SYNE2: variants seen among roughly 807,000 people sequenced by gnomAD.
The protein encoded by SYNE2 is spectrin repeat containing nuclear envelope protein 2.
SYNE2 carries 431 observed loss-of-function variants against 856.3 expected under a neutral mutation model. That is an observed-to-expected ratio of 0.50 (90% CI 0.47 to 0.55). The LOEUF (loss-of-function observed/expected upper bound fraction) is 0.55. SYNE2 is among the 20% of genes least tolerant of loss of function. The pLI, the probability that SYNE2 is intolerant of heterozygous loss-of-function variation, is 0.00. For missense variants in SYNE2, 8,129 were observed against 8,023.2 expected, an observed-to-expected ratio of 1.01 and a Z score of -0.50; for synonymous variants, 2,923 against 2,872.3, an observed-to-expected ratio of 1.02 and a Z score of -0.56.
intron 45 of SYNE2, among the ~76,000 whole-genome samples, chr14:64,038,173 G>T (rs1460573456): frequency 1.6e-4 from 24 of 151,358 alleles, no homozygotes; most frequent in Non-Finnish European, 4.4e-5. Context: ...GGGGCGGCGG[G>T]GCAGAGACGC....
At chr14:64,015,182 T>G (rs2096883192) in intron 32 of SYNE2, among the ~76,000 whole-genome samples, 1 of 151,140 alleles carries the variant, frequency 6.6e-6, no homozygotes, top group Admixed American at 6.6e-5. Flanking sequence ...TAGTTTCTTT[T>G]TTGGTACTGT....
chr14:63,891,824 GC>G (rs1372420869), intron 1 of SYNE2, among the ~76,000 whole-genome samples: 1 of 152,110 alleles, frequency 6.6e-6, no homozygotes, highest in African/African-American at 2.4e-5. Context: ...AGCAGCTGGT[GC>G]CTCTGTTGAT....
intron 19 of SYNE2, among the ~76,000 whole-genome samples, chr14:63,986,953 G>A (rs180793265): frequency 8.5e-5 from 13 of 152,198 alleles, no homozygotes; most frequent in Non-Finnish European, 1.5e-4. Context: ...CAGAGTACAC[G>A]TAAGAGATAA....
intron 7 of SYNE2, among the ~76,000 whole-genome samples, chr14:63,953,684 ACT>A (rs1369252846): frequency 3.9e-5 from 6 of 152,052 alleles, no homozygotes; most frequent in Non-Finnish European, 8.8e-5. Context: ...AACCATCACC[ACT>A]CTCTGTCACC....
chr14:63,866,324 A>C (rs1456348226), intron 1 of SYNE2, among the ~76,000 whole-genome samples: 1 of 152,238 alleles, frequency 6.6e-6, no homozygotes, highest in East Asian at 1.9e-4. Flanking sequence ...TTTACTTAAA[A>C]AGCTGGCCAA....
chr14:63,986,712 AC>A, intron 19 of SYNE2, 95 bp downstream of exon 19: 1 of 1,319,044 alleles, frequency 7.6e-7, no homozygotes, highest in East Asian at 2.3e-5. Flanking sequence ...TAATAAGCCT[AC>A]AGTTTTAATT....
At chr14:63,898,536 C>T (rs916487451) in intron 1 of SYNE2, among the ~76,000 whole-genome samples, 3 of 152,128 alleles carry the variant, frequency 2.0e-5, no homozygotes, top group Non-Finnish European at 4.4e-5. Flanking sequence ...ACCCGAGTAG[C>T]TGGGACTACA....
intron 1 of SYNE2, among the ~76,000 whole-genome samples, chr14:63,871,633 A>G (rs1403954550): frequency 1.3e-5 from 2 of 150,254 alleles, no homozygotes; most frequent in African/African-American, 2.5e-5. Flanking sequence ...TTTCAGAGAC[A>G]GGGTCTCACT....
chr14:63,822,759 G>A lies in SYNE2; in HGVS notation c.-304-29742G>A, dbSNP rs372552543. 4.6e-5 allele frequency among the ~76,000 whole-genome samples: 7 copies of A among 152,118 alleles called. No homozygotes were observed. The East Asian group carries it at 7.7e-4, about 17-fold the overall frequency. ...GAGCTTTGAAAACATTCCAACACAC[G>A]CACAGAGCAGTGCTTAATTTGAAAT... is the stretch of plus-strand genomic sequence containing the variant. On this transcript the variant is annotated intron_variant, in intron 1 of 23. Transcript: ENST00000674003.
intron 70 of SYNE2, among the ~76,000 whole-genome samples, chr14:64,123,080 C>T (rs1305380106): frequency 6.7e-6 from 1 of 149,046 alleles, no homozygotes; most frequent in Middle Eastern, 3.4e-3. Context: ...GCCAGGGCAA[C>T]GAGAGTGAAA....
intron 23 of SYNE2, among the ~76,000 whole-genome samples, chr14:63,995,730 C>CATCTGTCTATCT (rs1555419686): frequency 4.1e-4 from 47 of 113,528 alleles, no homozygotes; most frequent in Middle Eastern, 4.5e-3. Flanking sequence ...TATATCTATC[C>CATCTGTCTATCT]ATCTATCTAT....
chr14:63,878,254 G>A (rs893971620), intron 1 of SYNE2, among the ~76,000 whole-genome samples: 9 of 152,126 alleles, frequency 5.9e-5, no homozygotes, highest in African/African-American at 9.7e-5. Flanking sequence ...CAACGTGATC[G>A]TGATCTCCAC....
chr14:64,136,844 T>A (rs1247406211), intron 78 of SYNE2, among the ~76,000 whole-genome samples: 2 of 152,138 alleles, frequency 1.3e-5, no homozygotes, highest in Non-Finnish European at 2.9e-5. Flanking sequence ...CCATCTGAAG[T>A]GCTTTCGGGG....
At chr14:64,105,607 A>G (rs1282750186) in intron 64 of SYNE2, among the ~76,000 whole-genome samples, 2 of 152,222 alleles carry the variant, frequency 1.3e-5, no homozygotes, top group Admixed American at 6.5e-5. Flanking sequence ...AGGTTGGTTG[A>G]TTATAATATC....
At chr14:64,143,482 A>G (rs2098156717) in intron 82 of SYNE2, among the ~76,000 whole-genome samples, 1 of 152,220 alleles carries the variant, frequency 6.6e-6, no homozygotes, top group African/African-American at 2.4e-5. Flanking sequence ...AAGCTTTGTC[A>G]TATCCTGGGT....
chr14:64,094,342 TA>T (rs930150006), intron 61 of SYNE2, among the ~76,000 whole-genome samples: 10 of 150,582 alleles, frequency 6.6e-5, no homozygotes, highest in Admixed American at 6.0e-4. Flanking sequence ...TCAAAAAAAT[TA>T]AAAAAAATAA....
Position 64,065,495 on chromosome 14 carries a change from C to G in SYNE2, c.10276C>G (p.Leu3426Val). ...AATGAAACTACGACAGATCCTTAGACTCTTGAGACTCAGGTGCACAGAAAA... is the reference window on the plus strand; with the variant it reads ...AATGAAACTACGACAGATCCTTAGAGTCTTGAGACTCAGGTGCACAGAAAA... ...ELMKLRQILR[L>V]LRLRCTENDG... Residue 3426 changes from leucine to valine, a missense_variant, in exon 51 of 116, where the codon CTC (leucine) becomes GTC (valine). Around this residue, in one of 3 missense-constraint regions of SYNE2, gnomAD observed 5,410 missense variants for 5,284.8 expected, o/e 1.02. Coordinates refer to ENST00000555002, the MANE Select transcript of SYNE2 (RefSeq NM_182914.3). The G allele has an allele frequency of 1.9e-6, 3 of 1,614,070 alleles. No homozygotes were observed. Among genetic ancestry groups the G allele is most frequent in the Non-Finnish European group, 2.5e-6 (3 of 1,180,014 alleles).
At chr14:64,196,548 G>A (rs757906181) in intron 99 of SYNE2, among the ~76,000 whole-genome samples, 4 of 152,142 alleles carry the variant, frequency 2.6e-5, no homozygotes, top group East Asian at 1.9e-4. Context: ...AACCCCCACA[G>A]GGATATTTCT....
rs1331749675 is a variant in SYNE2, at chr14:64,170,382, A to T, written c.17155A>T (p.Thr5719Ser). The change falls in exon 94 of 116, where the codon ACC becomes TCC. Residue 5719 changes from threonine to serine, a missense_variant. Physicochemically the swap from Thr to Ser is moderately conservative, Grantham distance 58 (BLOSUM62 1). Coordinates refer to ENST00000555002, the MANE Select transcript of SYNE2 (RefSeq NM_182914.3). ...VENLFRFLTD[T>S]SHLLSAVKGQ... ...GAACTTGTTTCGCTTCCTCACTGAC[A>T]CCAGCCACCTGCTATCTGCAGTGAA... 6.2e-7 allele frequency: 1 copy of T among 1,614,062 alleles called. No homozygotes were observed. Among genetic ancestry groups the T allele is most frequent in the African/African-American group, 1.3e-5 (1 of 74,896 alleles).
Sources: gnomAD v4.1 joint callset for allele counts (sites outside exome capture counted in the v4.1 genomes callset) on GRCh38, gnomAD v4.1.1 for gene constraint, gnomAD v4.1.1 regional missense constraint, MANE v1.5 for transcripts, NCBI Gene and HGNC (gene_info 2026-07-23, HGNC 2026-07-21) for gene names.